Variants in MID1 observed in about 807,000 individuals in gnomAD.
MID1 encodes E3 ubiquitin-protein ligase Midline-1.
A neutral mutation model predicts 40.4 loss-of-function variants in MID1; 7 were observed. The ratio of observed to expected loss-of-function variants is 0.17; its 90% CI spans 0.10 to 0.33. MID1 has a LOEUF of 0.33. Among genes scored for constraint, MID1 ranks in the 10% least tolerant of loss-of-function variants. The probability of loss-of-function intolerance (pLI) is 1.00; values close to 1 mark genes in which losing one functional copy is unlikely to be tolerated. For missense variants in MID1, 367 were observed against 558.5 expected (o/e 0.66, Z 3.46); for synonymous variants, 229 against 221.2 (o/e 1.04, Z -0.31).
intron 9 of MID1, among the ~76,000 whole-genome samples, chrX:10,451,262 C>T (rs1928319811): frequency 9.0e-6 from 1 of 111,715 alleles, no homozygotes; most frequent in South Asian, 3.8e-4. Context: ...CTGGGTCAGG[C>T]TCTGCTATTG....
chrX:10,639,875 A>G (rs1310900746), intron 1 of MID1, among the ~76,000 whole-genome samples: 1 of 112,063 alleles, frequency 8.9e-6, no homozygotes, highest in African/African-American at 3.2e-5. Context: ...ATTCTTGAAG[A>G]AAAGAATTTT....
chrX:10,739,207 T>G (rs760480971), intron 1 of MID1, among the ~76,000 whole-genome samples: 204 of 111,506 alleles, frequency 1.8e-3, no homozygotes, highest in African/African-American at 6.3e-3. Context: ...GGAAGGGCAG[T>G]TGGGGAGATG....
At chrX:10,662,892 G>T (rs950237410) in intron 1 of MID1, among the ~76,000 whole-genome samples, 8 of 111,404 alleles carry the variant, frequency 7.2e-5, no homozygotes, top group African/African-American at 2.6e-4. Flanking sequence ...CTTGCTCAGA[G>T]TACTTCATTC....
At chrX:10,593,663 G>A (rs1001284290) in intron 1 of MID1, among the ~76,000 whole-genome samples, 7 of 109,411 alleles carry the variant, frequency 6.4e-5, no homozygotes, top group Non-Finnish European at 1.1e-4. Flanking sequence ...AGCTTGCATT[G>A]TATGAGGGAA....
chrX:10,743,777 T>C (rs1274765357), intron 1 of MID1, among the ~76,000 whole-genome samples: 1 of 112,104 alleles, frequency 8.9e-6, no homozygotes, highest in East Asian at 2.8e-4. Flanking sequence ...AGAATCTCAG[T>C]TTAAATCAAT....
chrX:10,793,044 C>A (rs1056590038), intron 1 of MID1, among the ~76,000 whole-genome samples: 11 of 112,172 alleles, frequency 9.8e-5, no homozygotes, highest in African/African-American at 3.2e-4. Flanking sequence ...AACTGAAGAG[C>A]AGCTGAAAAA....
intron 1 of MID1, among the ~76,000 whole-genome samples, chrX:10,785,220 C>A (rs758239733): frequency 3.6e-4 from 40 of 110,636 alleles, no homozygotes; most frequent in Admixed American, 1.2e-3. Flanking sequence ...TTCACAATTG[C>A]TTCAAAGAGA....
At chrX:10,570,409 AGTTT>A (rs1934689600) in intron 1 of MID1, among the ~76,000 whole-genome samples, 1 of 112,140 alleles carries the variant, frequency 8.9e-6, no homozygotes, top group Non-Finnish European at 1.9e-5. Flanking sequence ...ATATTCTTTT[AGTTT>A]GTTTATTGCT....
intron 1 of MID1, among the ~76,000 whole-genome samples, chrX:10,575,325 A>C (rs1934843260): frequency 8.9e-6 from 1 of 112,047 alleles, no homozygotes. Flanking sequence ...GAGGACTCAA[A>C]ACTACTGAAG....
At chrX:10,520,732 C>A (rs1932664418) in intron 3 of MID1, among the ~76,000 whole-genome samples, 1 of 111,603 alleles carries the variant, frequency 9.0e-6, no homozygotes, top group South Asian at 3.7e-4. Context: ...GCAAATTCAT[C>A]TAAAACAAAT....
rs1005754617 is a variant in MID1 at position 10,590,897 on chromosome X, T to C, written c.-56-23294A>G. ...TTTTTTGTTGTTATTTTGCTTTGCA[T>C]CTTATTTGTTTATTTAAAATTTAAA... On this transcript the variant is annotated intron_variant, in intron 1 of 9. Transcript: ENST00000317552. Among the ~76,000 whole-genome samples the C allele has an allele frequency of 2.4e-3, 270 of 112,370 alleles. 3 individuals carry two copies. The highest frequency in any genetic ancestry group is 8.3e-3 in the African/African-American group (256 of 30,873).
At chrX:10,584,501 G>T (rs759232117) in intron 1 of MID1, among the ~76,000 whole-genome samples, 1 of 111,679 alleles carries the variant, frequency 9.0e-6, no homozygotes, top group African/African-American at 3.3e-5. Context: ...GGAAATTTCA[G>T]GAAGGAAAGG....
chrX:10,810,696 C>CTCTGTGTGTGTGTGTG (rs1555926591), intron 1 of MID1, among the ~76,000 whole-genome samples: 1 of 101,104 alleles, frequency 9.9e-6, no homozygotes. Context: ...GTTGTTTTCT[C>CTCTGTGTGTGTGTGTG]TGTGTGTGTG....
At chrX:10,654,490 G>A (rs2042855984) in intron 1 of MID1, among the ~76,000 whole-genome samples, 2 of 111,719 alleles carry the variant, frequency 1.8e-5, no homozygotes, top group African/African-American at 3.3e-5. Flanking sequence ...ATCATCAAGC[G>A]TTAGATTACC....
intron 4 of MID1, among the ~76,000 whole-genome samples, chrX:10,490,928 A>G (rs1012885819): frequency 6.2e-5 from 7 of 112,201 alleles, no homozygotes. Context: ...TTTTCAAATT[A>G]TTGGCATGAA....
chrX:10,805,051 T>C (rs1288884894), intron 1 of MID1, among the ~76,000 whole-genome samples: 1 of 110,012 alleles, frequency 9.1e-6, no homozygotes, highest in East Asian at 2.8e-4. Context: ...TAGTTTTTTT[T>C]TGTTGTTGTT....
At chrX:10,514,633 G>A (rs140703240) in intron 3 of MID1, among the ~76,000 whole-genome samples, 235 of 112,325 alleles carry the variant, frequency 2.1e-3, no homozygotes, top group Middle Eastern at 0.019. Context: ...CATATGAATA[G>A]ACATTATTCA....
chrX:10,566,534 T>TCTCTCTCCCTCTCTCTCCCTCTCTCTCC, intron 2 of MID1, among the ~76,000 whole-genome samples: 1 of 90,880 alleles, frequency 1.1e-5, no homozygotes, highest in African/African-American at 5.1e-5. Flanking sequence ...TCTCTCTCCC[T>TCTCTCTCCCTCTCTCTCCCTCTCTCTCC]CTCTCTCTCT....
chrX:10,465,214 T>TATATATAC (rs1477864693), intron 7 of MID1, among the ~76,000 whole-genome samples: 10 of 39,898 alleles, frequency 2.5e-4, no homozygotes, highest in Middle Eastern at 0.015. Context: ...TATATATATA[T>TATATATAC]ACACACACAC....
Sources: allele counts gnomAD v4.1 joint callset (sites outside exome capture counted in the v4.1 genomes callset), GRCh38; gene constraint gnomAD v4.1.1; transcripts MANE v1.5; gene names NCBI Gene and HGNC (gene_info 2026-07-23, HGNC 2026-07-21).